The following CA10 variants were observed in gnomAD, a reference collection of about 807,000 sequenced individuals.
CA10 encodes carbonic anhydrase 10 (inactive), also known as carbonic anhydrase-related protein 10.
In CA10, 14 loss-of-function variants were observed where a neutral mutation model predicts 44.2. The ratio of observed to expected loss-of-function variants is 0.32; its 90% confidence interval spans 0.21 to 0.50. The LOEUF is 0.50. Ranked by LOEUF, CA10 falls within the 20% of genes least tolerant of loss-of-function variation. The probability of loss-of-function intolerance (pLI) is 0.99; values close to 1 mark genes in which losing one functional copy is unlikely to be tolerated. For synonymous variants in CA10, 159 were observed against 141.6 expected (o/e 1.12, Z -0.87); for missense variants, 350 against 409.7 (o/e 0.85, Z 1.26).
At chr17:52,033,376 CTAA>C (rs1986524350) in intron 2 of CA10, among the ~76,000 whole-genome samples, 1 of 152,128 alleles carries the variant, frequency 6.6e-6, no homozygotes, top group Admixed American at 6.5e-5. Context: ...ACCGAAGTGT[CTAA>C]TAAAATTGAA....
intron 2 of CA10, among the ~76,000 whole-genome samples, chr17:51,980,910 A>G (rs1489205467): frequency 6.6e-6 from 1 of 152,112 alleles, no homozygotes; most frequent in African/African-American, 2.4e-5. Flanking sequence ...ACTAGACAAC[A>G]TGCACGTGAA....
chr17:51,651,626 G>A (rs193043364), intron 5 of CA10, among the ~76,000 whole-genome samples: 364 of 152,266 alleles, frequency 2.4e-3, no homozygotes, highest in Non-Finnish European at 3.5e-3. Flanking sequence ...TCACCAGCTC[G>A]GTAGGAATGA....
intron 2 of CA10, among the ~76,000 whole-genome samples, chr17:51,975,826 G>C (rs892424614): frequency 2.0e-5 from 3 of 146,692 alleles, no homozygotes; most frequent in African/African-American, 7.6e-5. Context: ...AGCTGAGGTC[G>C]CGCCGCTGCA....
intron 3 of CA10, among the ~76,000 whole-genome samples, chr17:51,886,592 T>C (rs892445299): frequency 2.0e-5 from 3 of 152,198 alleles, no homozygotes; most frequent in African/African-American, 4.8e-5. Context: ...AGCCATTGTG[T>C]TGGTTAATTT....
intron 1 of CA10, among the ~76,000 whole-genome samples, chr17:52,079,679 C>G (rs1013626498): frequency 4.6e-5 from 7 of 152,090 alleles, no homozygotes; most frequent in African/African-American, 1.7e-4. Flanking sequence ...AAAGTGGTTT[C>G]AAGTTGGTTG....
At chr17:52,134,969 T>A in intron 1 of CA10, 4 of 519,090 alleles carry the variant, frequency 7.7e-6, no homozygotes, top group South Asian at 5.6e-5. Context: ...GCTCTCCATG[T>A]GTGCCATCAC....
At chr17:51,912,671 T>C (rs1356486490) in intron 3 of CA10, among the ~76,000 whole-genome samples, 1 of 152,190 alleles carries the variant, frequency 6.6e-6, no homozygotes, top group Non-Finnish European at 1.5e-5. Flanking sequence ...AACCTTGCAC[T>C]GTGTGTGCAA....
chr17:51,653,350 T>C (rs1913649188), intron 5 of CA10, among the ~76,000 whole-genome samples: 1 of 152,180 alleles, frequency 6.6e-6, no homozygotes, highest in Non-Finnish European at 1.5e-5. Flanking sequence ...TTCACTGCAT[T>C]AGGTGGGTCC....
At chr17:51,938,551 G>A (rs1262735754) in intron 2 of CA10, among the ~76,000 whole-genome samples, 4 of 152,242 alleles carry the variant, frequency 2.6e-5, no homozygotes, top group South Asian at 4.1e-4. Context: ...AGTGAGCAGT[G>A]ATATGGGTCA....
intron 3 of CA10, among the ~76,000 whole-genome samples, chr17:51,798,782 C>T (rs1201727175): frequency 6.6e-6 from 1 of 152,194 alleles, no homozygotes; most frequent in African/African-American, 2.4e-5. Context: ...AACATTTTAT[C>T]AGGGCAGGAC....
chr17:52,088,276 A>C (rs1307788019), intron 1 of CA10, among the ~76,000 whole-genome samples: 5 of 152,238 alleles, frequency 3.3e-5, no homozygotes, highest in Non-Finnish European at 7.3e-5. Flanking sequence ...TGTCAGCTAA[A>C]CAGAACATCT....
chr17:51,939,985 C>T (rs377067461), intron 2 of CA10, among the ~76,000 whole-genome samples: 6 of 152,048 alleles, frequency 3.9e-5, no homozygotes, highest in East Asian at 1.9e-4. Flanking sequence ...AGGTTATATA[C>T]GTGTTTTTCT....
chr17:51,890,386 A>G (rs958907697), intron 3 of CA10, among the ~76,000 whole-genome samples: 1 of 152,054 alleles, frequency 6.6e-6, no homozygotes, highest in Non-Finnish European at 1.5e-5. Flanking sequence ...AATATTTTTG[A>G]TCCTTGGCTT....
chr17:51,699,389 T>C (rs1053663782), intron 4 of CA10, among the ~76,000 whole-genome samples: 1 of 151,740 alleles, frequency 6.6e-6, no homozygotes, highest in Admixed American at 6.6e-5. Flanking sequence ...GATAGTAAGG[T>C]GGTTTGAGGA....
At chr17:51,633,390 G>A (rs1250773361) in intron 8 of CA10, 86 bp downstream of exon 8, 1 of 1,246,600 alleles carries the variant, frequency 8.0e-7, no homozygotes, top group Non-Finnish European at 1.1e-6. Context: ...TATAATGGAA[G>A]ATAATGCCAG....
chr17:51,681,944 G>A (rs28397116), intron 4 of CA10, among the ~76,000 whole-genome samples: 10,975 of 152,188 alleles, frequency 0.072, 1,341 homozygotes, highest in African/African-American at 0.25. Context: ...ATCTGTGGCT[G>A]TTTGGGGTGA....
At chr17:51,789,165 G>A (rs182568617) in intron 3 of CA10, among the ~76,000 whole-genome samples, 104 of 152,090 alleles carry the variant, frequency 6.8e-4, no homozygotes, top group African/African-American at 1.4e-3. Context: ...ACAAGCGTGC[G>A]CCACCACACC....
chr17:51,978,046 T>C (rs1984520641), intron 2 of CA10, among the ~76,000 whole-genome samples: 1 of 152,140 alleles, frequency 6.6e-6, no homozygotes, highest in Admixed American at 6.6e-5. Context: ...TGGAATGATA[T>C]ACCATGCTTA....
At chr17:51,726,054 C>T (rs1329177939) in intron 4 of CA10, among the ~76,000 whole-genome samples, 1 of 152,174 alleles carries the variant, frequency 6.6e-6, no homozygotes, top group East Asian at 1.9e-4. Context: ...CACATTTAAA[C>T]TGAATCTTGA....
Sources: gnomAD v4.1 joint callset for allele counts (sites outside exome capture counted in the v4.1 genomes callset) on GRCh38, gnomAD v4.1.1 for gene constraint, MANE v1.5 for transcripts, NCBI Gene and HGNC (gene_info 2026-07-23, HGNC 2026-07-21) for gene names.